The following SEMA4D variants were observed in gnomAD, a reference collection of about 807,000 sequenced individuals.
The protein encoded by SEMA4D is semaphorin-4D.
In SEMA4D, 22 loss-of-function variants were observed where a neutral mutation model predicts 74.8. The ratio of observed to expected loss-of-function variants is 0.29; its 90% CI spans 0.21 to 0.42. The LOEUF is 0.42. Among genes scored for constraint, SEMA4D ranks in the 10% least tolerant of loss-of-function variants. SEMA4D has a pLI of 1.00. For synonymous variants in SEMA4D, 445 were observed against 463.7 expected, an observed-to-expected ratio of 0.96 and a Z score of 0.52; for missense variants, 937 against 1,118.4, an observed-to-expected ratio of 0.84 and a Z score of 2.31.
intron 15 of SEMA4D, 104 bp from the exon 16 acceptor site, chr9:89,379,733 A>G: frequency 7.6e-7 from 1 of 1,312,568 alleles, no homozygotes; most frequent in Non-Finnish European, 1.0e-6. Flanking sequence ...CACCCACTGT[A>G]GCAACATGGA....
At chr9:89,446,125 A>G (rs1852774004) in intron 2 of SEMA4D, among the ~76,000 whole-genome samples, 1 of 152,090 alleles carries the variant, frequency 6.6e-6, no homozygotes, top group Non-Finnish European at 1.5e-5. Flanking sequence ...ATAGCACCTG[A>G]CCACTTATCT....
At chr9:89,496,595 G>A (rs1454680593) in intron 1 of SEMA4D, among the ~76,000 whole-genome samples, 1 of 152,186 alleles carries the variant, frequency 6.6e-6, no homozygotes, top group Non-Finnish European at 1.5e-5. Flanking sequence ...GGTATGCTGA[G>A]CCCGCCTGCT....
chr9:89,441,815 T>TA (rs1158219167), intron 2 of SEMA4D, among the ~76,000 whole-genome samples: 1 of 152,132 alleles, frequency 6.6e-6, no homozygotes, highest in South Asian at 2.1e-4. Flanking sequence ...CCCACACTGT[T>TA]AAACTTCAGC....
intron 1 of SEMA4D, among the ~76,000 whole-genome samples, chr9:89,466,804 C>T (rs1243261719): frequency 6.6e-6 from 1 of 152,162 alleles, no homozygotes; most frequent in African/African-American, 2.4e-5. Flanking sequence ...GCATTCACCT[C>T]GGAGTGCACA....
chr9:89,402,854 G>T lies in SEMA4D; in HGVS notation c.252+17C>A, dbSNP rs763548967. 3.1e-6 allele frequency: 5 copies of T among 1,608,172 alleles called. No homozygotes were observed. The South Asian group carries it at 5.5e-5, about 18-fold the overall frequency. ...CAAGCTGGGCTATGTGGACATGCAG[G>T]GGAGCCCAGGACGTACCTCATGCTG... On this transcript the variant is annotated intron_variant, in intron 4 of 15. Coordinates refer to ENST00000422704, the MANE Select transcript of SEMA4D (RefSeq NM_001371194.2).
In SEMA4D at chr9:89,450,689, GCCT is replaced by G; in HGVS notation, c.-244+5196_-244+5198del. The G allele has an allele frequency of 9.0e-6, 6 of 665,148 alleles. 1 individual carries two copies. Among genetic ancestry groups the G allele is most frequent in the Non-Finnish European group, 1.4e-5 (6 of 413,834 alleles). 41.2% of individuals were successfully genotyped at this position (665,148 alleles called of 1,614,324 possible). ...AAAAAAAAAAAAAAAAAAAAAAAAG[GCCT>G]CCAAGACTGCAGAGAATGCCACCAG... is the stretch of plus-strand genomic sequence containing the variant. On this transcript the variant is annotated intron_variant, in intron 2 of 15. Transcript: ENST00000422704.
At chr9:89,495,400 A>T (rs957752622) in intron 1 of SEMA4D, among the ~76,000 whole-genome samples, 1 of 152,144 alleles carries the variant, frequency 6.6e-6, no homozygotes, top group Non-Finnish European at 1.5e-5. Context: ...CACCTGACTG[A>T]ATCAGCAGCT....
chr9:89,468,728 T>G (rs79677829), intron 1 of SEMA4D, among the ~76,000 whole-genome samples: 10,930 of 152,208 alleles, frequency 0.072, 614 homozygotes, highest in East Asian at 0.29. Flanking sequence ...TTCTTCTCAC[T>G]CTGGTATAAG....
intron 2 of SEMA4D, among the ~76,000 whole-genome samples, chr9:89,434,936 A>AT (rs536976408): frequency 7.0e-4 from 106 of 152,214 alleles, no homozygotes; most frequent in Middle Eastern, 3.4e-3. Context: ...ATAGTTCTTG[A>AT]TTTTTTTCTC....
chr9:89,409,533 C>A (rs752852325), intron 2 of SEMA4D, among the ~76,000 whole-genome samples: 4 of 152,156 alleles, frequency 2.6e-5, no homozygotes, highest in African/African-American at 9.7e-5. Flanking sequence ...TCTGTACCAC[C>A]TTCTCAATTT....
In SEMA4D at chr9:89,399,356, A is replaced by T; in HGVS notation, c.253-18T>A. The stretch of plus-strand genomic sequence containing the variant: ...CAATACACCTGTTGGGATAGAGTCC[A>T]TATCAGTGCATATTCTTTTAAAGAG... On this transcript the variant is annotated intron_variant, in intron 4 of 15. Coordinates refer to ENST00000422704, the MANE Select transcript of SEMA4D (RefSeq NM_001371194.2). 6.4e-7 allele frequency: 1 copy of T among 1,563,282 alleles called. No homozygotes were observed. Among genetic ancestry groups the T allele is most frequent in the South Asian group, 1.1e-5 (1 of 89,898 alleles).
intron 1 of SEMA4D, among the ~76,000 whole-genome samples, chr9:89,481,527 C>T (rs2058926299): frequency 6.6e-6 from 1 of 152,230 alleles, no homozygotes; most frequent in Non-Finnish European, 1.5e-5. Flanking sequence ...CAAGGATGTT[C>T]AAAATATCAT....
chr9:89,402,439 G>A (rs994399407), intron 4 of SEMA4D, among the ~76,000 whole-genome samples: 27 of 152,158 alleles, frequency 1.8e-4, no homozygotes, highest in African/African-American at 6.3e-4. Flanking sequence ...CTGGCTGAAT[G>A]TATGATGATA....
chr9:89,463,736 T>C (rs1296633896), intron 1 of SEMA4D, among the ~76,000 whole-genome samples: 3 of 151,942 alleles, frequency 2.0e-5, no homozygotes, highest in Middle Eastern at 6.3e-3. Flanking sequence ...GAGTTCAAGA[T>C]CAGCCTGGCC....
intron 15 of SEMA4D, among the ~76,000 whole-genome samples, chr9:89,379,890 C>T (rs1458869280): frequency 2.6e-5 from 4 of 152,194 alleles, no homozygotes; most frequent in South Asian, 2.1e-4. Flanking sequence ...GAAGAAAACG[C>T]GTCAGGCTGG....
chr9:89,371,970 T>G (rs1588118369), intron 16 of SEMA4D, among the ~76,000 whole-genome samples: 22 of 111,814 alleles, frequency 2.0e-4, no homozygotes, highest in African/African-American at 2.5e-4. Flanking sequence ...GTGTGTGGGG[T>G]GTGGTGTGTG....
intron 3 of SEMA4D, among the ~76,000 whole-genome samples, chr9:89,403,729 G>A (rs1327882780): frequency 2.0e-5 from 3 of 152,102 alleles, no homozygotes; most frequent in African/African-American, 7.2e-5. Context: ...TGAGCATTTT[G>A]ACCTTGGCTT....
chr9:89,428,033 C>T (rs2134477805), intron 2 of SEMA4D, among the ~76,000 whole-genome samples: 1 of 152,304 alleles, frequency 6.6e-6, no homozygotes, highest in South Asian at 2.1e-4. Context: ...GAGGGGTGGA[C>T]TCTGCCCTGT....
In SEMA4D at chr9:89,449,518, G is replaced by A. The variant is rs1415289382; in HGVS notation, c.-244+6370C>T. On this transcript the variant is annotated intron_variant, in intron 2 of 15. Coordinates refer to ENST00000422704, the MANE Select transcript of SEMA4D (RefSeq NM_001371194.2). ...TGGCTGGGAAGGGAGGCAGAGGGGC[G>A]GCTCAGGGGAAACGAGGCTGCAGTG... The A allele has an allele frequency of 5.8e-5, 44 of 755,272 alleles. No homozygotes were observed. In the East Asian group the frequency reaches 8.1e-4, roughly 14 times the overall value. 46.8% of individuals were successfully genotyped at this position (755,272 alleles called of 1,614,324 possible). A position where few individuals can be genotyped will look rare whatever the true frequency, so the allele number is the denominator to read the frequency against.
Sources: allele counts gnomAD v4.1 joint callset (sites outside exome capture counted in the v4.1 genomes callset), GRCh38; gene constraint gnomAD v4.1.1; transcripts MANE v1.5; gene names NCBI Gene and HGNC (gene_info 2026-07-23, HGNC 2026-07-21).